PTBP3: variants seen among roughly 807,000 people sequenced by gnomAD.
PTBP3 encodes the protein polypyrimidine tract binding protein 3, also known as polypyrimidine tract-binding protein 3.
A neutral mutation model predicts 58.7 loss-of-function variants in PTBP3; 20 were observed. The observed-to-expected ratio is 0.34, with a 90% confidence interval of 0.24 to 0.50. The LOEUF is 0.50. Ranked by LOEUF, PTBP3 falls within the 20% of genes least tolerant of loss-of-function variation. PTBP3 has a pLI of 0.98. For missense variants in PTBP3, 509 were observed against 637.2 expected (o/e 0.80, Z 2.17); for synonymous variants, 185 against 219.8 (o/e 0.84, Z 1.40).
Position 112,221,577 on chromosome 9 carries a change from A to G in PTBP3, c.*2274T>C, listed in dbSNP as rs1834808541. 1.0e-6 allele frequency: 1 copy of G among 985,482 alleles called. No individual in the cohort carries two copies. 61.0% of individuals were successfully genotyped at this position (985,482 alleles called of 1,614,324 possible). A position where few individuals can be genotyped will look rare whatever the true frequency, so the allele number is the denominator to read the frequency against. ...AAAAGCAAGTTTTGGGAGATTTTGC[A>G]AAGAAATTTTTTTCCTCCTTCATAT... On this transcript the variant is annotated 3_prime_UTR_variant, in exon 14 of 14. Coordinates refer to ENST00000374257, the MANE Select transcript of PTBP3 (RefSeq NM_001163788.4).
chr9:112,297,855 G>T lies in PTBP3; in HGVS notation c.11C>A (p.Ser4Tyr). The T allele has an allele frequency of 1.2e-6, 2 of 1,605,632 alleles. No individual in the cohort carries two copies. The highest frequency in any genetic ancestry group is 2.2e-5 in the South Asian group (2 of 90,146). Residue 4 changes from serine (S) to tyrosine (Y), a missense_variant, in exon 2 of 14, where the codon TCT becomes TAT. Physicochemically the swap from Ser to Tyr is moderately radical, Grantham distance 144. Around this residue, in one of 4 missense-constraint regions of PTBP3, gnomAD observed 212 missense variants for 215.3 expected, o/e 0.98. Coordinates refer to ENST00000374257, the MANE Select transcript of PTBP3 (RefSeq NM_001163788.4). Reference protein sequence around the residue: MNSSTPSTGVYANG... With the variant: MNSYTPSTGVYANG... ...ACCATACACACCTGTAGAAGGAGTA[G>T]AACTATTCATGGTAAAAGGTCCGTT...
At chr9:112,355,621 C>CTTT in the PTBP3 span, among the ~76,000 whole-genome samples, 220 of 127,688 alleles carry the variant, frequency 1.7e-3, 3 homozygotes, top group African/African-American at 2.9e-3. Context: ...AACTCTTTTT[C>CTTT]TTTTTTTTTT....
intron 1 of PTBP3, among the ~76,000 whole-genome samples, chr9:112,324,210 C>T (rs948482354): frequency 2.0e-5 from 3 of 151,810 alleles, no homozygotes; most frequent in Non-Finnish European, 1.5e-5. Flanking sequence ...AGCAGAAACA[C>T]AAAACCAAGA....
chr9:112,250,032 TA>T (rs1167563767), intron 7 of PTBP3, among the ~76,000 whole-genome samples: 1 of 152,056 alleles, frequency 6.6e-6, no homozygotes, highest in Non-Finnish European at 1.5e-5. Flanking sequence ...TTAAAAATAA[TA>T]AAAAAGCTTT....
rs371496903 is a variant in PTBP3 at position 112,245,913 on chromosome 9, GTGA to G, written c.802+5013_802+5015del. On this transcript the variant is annotated intron_variant, in intron 7 of 13. Transcript: ENST00000374257. Reference sequence around the variant, plus strand: ...ACTGACATGAAATAAATGAATGAAAGTGATGATAAGAAACCTCATCCTCTCAAA... The same window carrying G: ...ACTGACATGAAATAAATGAATGAAAGTGATAAGAAACCTCATCCTCTCAAA... Among the ~76,000 whole-genome samples the G allele has an allele frequency of 1.5e-3, 227 of 152,262 alleles. 1 individual carries two copies. The highest frequency in any genetic ancestry group is 4.8e-3 in the South Asian group (23 of 4,822).
At chr9:112,268,331 CA>C in intron 3 of PTBP3, 136 bp from the exon 4 acceptor site, 2 of 772,128 alleles carry the variant, frequency 2.6e-6, no homozygotes, top group Non-Finnish European at 1.9e-6. Context: ...GAGGGAAAAA[CA>C]AAAAAACACC....
chr9:112,256,962 G>A (rs1339007966), intron 5 of PTBP3, among the ~76,000 whole-genome samples: 1 of 151,996 alleles, frequency 6.6e-6, no homozygotes, highest in Non-Finnish European at 1.5e-5. Flanking sequence ...ATTAGTGAAG[G>A]AGTAGGAAAA....
chr9:112,334,656 A>G (rs77833462), upstream of PTBP3, among the ~76,000 whole-genome samples: 323 of 152,330 alleles, frequency 2.1e-3, no homozygotes, highest in African/African-American at 7.4e-3. Context: ...AAAAGCAACT[A>G]ACAAGAACCT....
the PTBP3 span, among the ~76,000 whole-genome samples, chr9:112,341,486 T>A: frequency 6.6e-6 from 1 of 151,992 alleles, no homozygotes; most frequent in Non-Finnish European, 1.5e-5. Flanking sequence ...GTTTTTGTTT[T>A]TCGTTGGGTG....
At chr9:112,231,720 A>C (rs926544506) in intron 9 of PTBP3, among the ~76,000 whole-genome samples, 6 of 148,764 alleles carry the variant, frequency 4.0e-5, no homozygotes, top group Non-Finnish European at 8.9e-5. Flanking sequence ...TGGGCAACAT[A>C]GCAAGATCCT....
the PTBP3 span, among the ~76,000 whole-genome samples, chr9:112,376,156 G>GATATATATATATATAT: frequency 0.016 from 1,890 of 116,540 alleles, 77 homozygotes; most frequent in African/African-American, 0.052. Flanking sequence ...TTCTCTAGAG[G>GATATATATATATATAT]ATATATATAT....
chr9:112,368,013 G>A, the PTBP3 span, among the ~76,000 whole-genome samples: 4 of 151,526 alleles, frequency 2.6e-5, no homozygotes, highest in African/African-American at 4.8e-5. Flanking sequence ...TGTTGTTGTT[G>A]AGACGAAGTC....
the PTBP3 span, among the ~76,000 whole-genome samples, chr9:112,371,166 G>A: frequency 1.3e-5 from 2 of 152,048 alleles, no homozygotes; most frequent in East Asian, 3.8e-4. Flanking sequence ...GAATATAAGT[G>A]CCCAAAGTAG....
chr9:112,221,384 C>T lies in PTBP3; in HGVS notation c.*2467G>A, dbSNP rs575297749. 7.5e-5 allele frequency: 74 copies of T among 985,832 alleles called. No homozygotes were observed. The South Asian group carries it at 1.3e-3, about 17-fold the overall frequency. 61.1% of individuals were successfully genotyped at this position (985,832 alleles called of 1,614,324 possible). On this transcript the variant is annotated 3_prime_UTR_variant, in exon 14 of 14. Coordinates refer to ENST00000374257, the MANE Select transcript of PTBP3 (RefSeq NM_001163788.4). ...TTCCCTACTTCAAAGTTACATTCAA[C>T]ACCACTATGATCCCCTTCCGTTATT... is the stretch of plus-strand genomic sequence containing the variant.
In PTBP3 at chr9:112,222,107, A is replaced by G. The variant is rs1445851198; in HGVS notation, c.*1744T>C. On this transcript the variant is annotated 3_prime_UTR_variant, in exon 14 of 14. Transcript: ENST00000374257. ...CGCACACCACCATGCCCAGCAAGATATTCTTTATTCTTTTAAAAGTTGAGA... is the reference window on the plus strand; with the variant it reads ...CGCACACCACCATGCCCAGCAAGATGTTCTTTATTCTTTTAAAAGTTGAGA... 3.0e-6 allele frequency: 3 copies of G among 985,290 alleles called. No individual in the cohort carries two copies. Among genetic ancestry groups the G allele is most frequent in the East Asian group, 1.1e-4 (1 of 8,826 alleles). The allele number at this position is 985,290 out of a possible 1,614,324, so 61.0% of individuals were successfully genotyped here.
At position 112,223,464 on chromosome 9, in the gene PTBP3, CTG is replaced by C. The variant is rs1331527893; in HGVS notation, c.*385_*386del. 1 of 913,876 alleles carries C rather than the reference CTG, an allele frequency of 1.1e-6. No homozygotes were observed. The highest frequency in any genetic ancestry group is 1.8e-5 in the African/African-American group (1 of 55,358). 56.6% of individuals were successfully genotyped at this position (913,876 alleles called of 1,614,324 possible). A position where few individuals can be genotyped will look rare whatever the true frequency, so the allele number is the denominator to read the frequency against. On this transcript the variant is annotated 3_prime_UTR_variant, in exon 14 of 14. Coordinates refer to ENST00000374257, the MANE Select transcript of PTBP3 (RefSeq NM_001163788.4). ...ACTTACATCAAGTAATTTTAGAAGT[CTG>C]TGTTTAAATTTTTTAAAAGTACAAA...
chr9:112,339,342 A>C, the PTBP3 span, among the ~76,000 whole-genome samples: 1 of 150,828 alleles, frequency 6.6e-6, no homozygotes. Context: ...AGGGGCTAAG[A>C]AAATCTGAAT....
the PTBP3 span, among the ~76,000 whole-genome samples, chr9:112,372,407 G>C: frequency 3.9e-5 from 6 of 152,210 alleles, no homozygotes; most frequent in African/African-American, 1.4e-4. Flanking sequence ...TTAAAAAAAC[G>C]AGGTGGAATT....
At chr9:112,312,255 G>A (rs555126991) in intron 1 of PTBP3, among the ~76,000 whole-genome samples, 1 of 152,200 alleles carries the variant, frequency 6.6e-6, no homozygotes, top group East Asian at 1.9e-4. Flanking sequence ...AGCTAAGGCA[G>A]GAGGATCACT....
Sources: gnomAD v4.1 joint callset for allele counts (sites outside exome capture counted in the v4.1 genomes callset) on GRCh38, gnomAD v4.1.1 for gene constraint, gnomAD v4.1.1 regional missense constraint, MANE v1.5 for transcripts, NCBI Gene and HGNC (gene_info 2026-07-23, HGNC 2026-07-21) for gene names.